The following STXBP5L variants were observed in gnomAD, a reference collection of about 807,000 sequenced individuals.
STXBP5L encodes syntaxin-binding protein 5-like.
In STXBP5L, 65 loss-of-function variants were observed where a neutral mutation model predicts 144.5. The observed-to-expected ratio is 0.45, with a 90% CI of 0.37 to 0.55. STXBP5L has a LOEUF of 0.55. Among genes scored for constraint, STXBP5L ranks in the 20% least tolerant of loss-of-function variants. The pLI is 0.00. For synonymous variants in STXBP5L, 505 were observed against 469.6 expected (o/e 1.08, Z -0.97); for missense variants, 1,298 against 1,405.5 (o/e 0.92, Z 1.22).
At chr3:121,058,716 C>G (rs1948620167) in intron 5 of STXBP5L, among the ~76,000 whole-genome samples, 3 of 152,206 alleles carry the variant, frequency 2.0e-5, no homozygotes, top group Admixed American at 1.3e-4. Flanking sequence ...TTGCATTTCT[C>G]TAATGACCAG....
chr3:120,920,863 C>T, intron 2 of STXBP5L, among the ~76,000 whole-genome samples: 1 of 151,608 alleles, frequency 6.6e-6, no homozygotes, highest in East Asian at 1.9e-4. Flanking sequence ...GTATATATAC[C>T]ATATTTTCTT....
chr3:121,048,320 T>C (rs1434351131), intron 5 of STXBP5L, among the ~76,000 whole-genome samples: 1 of 152,150 alleles, frequency 6.6e-6, no homozygotes, highest in African/African-American at 2.4e-5. Context: ...TAATTATGTG[T>C]CTTGGCCATG....
At chr3:120,923,964 A>G (rs1385941790) in intron 2 of STXBP5L, among the ~76,000 whole-genome samples, 2 of 152,168 alleles carry the variant, frequency 1.3e-5, no homozygotes, top group Non-Finnish European at 1.5e-5. Flanking sequence ...ATTTGTAGGA[A>G]CAGAAGGAAT....
intron 9 of STXBP5L, among the ~76,000 whole-genome samples, chr3:121,179,922 C>T (rs1419996749): frequency 6.6e-6 from 1 of 152,058 alleles, no homozygotes; most frequent in African/African-American, 2.4e-5. Context: ...ACCAAGTCTC[C>T]AAGAAATATA....
At chr3:120,968,366 C>CT (rs984752391) in intron 3 of STXBP5L, among the ~76,000 whole-genome samples, 3 of 152,038 alleles carry the variant, frequency 2.0e-5, no homozygotes, top group African/African-American at 7.2e-5. Context: ...CCTTCTGTAT[C>CT]TTTTTTTATC....
chr3:121,261,091 G>A (rs969865767), intron 18 of STXBP5L, among the ~76,000 whole-genome samples: 4 of 152,152 alleles, frequency 2.6e-5, no homozygotes, highest in South Asian at 2.1e-4. Flanking sequence ...AGTTTGACCT[G>A]TAAAGACAAG....
intron 5 of STXBP5L, among the ~76,000 whole-genome samples, chr3:121,057,120 A>G (rs1948516669): frequency 6.6e-6 from 1 of 151,880 alleles, no homozygotes; most frequent in Non-Finnish European, 1.5e-5. Context: ...AAATAAATAA[A>G]CTACAGTTAA....
intron 5 of STXBP5L, among the ~76,000 whole-genome samples, chr3:121,074,986 G>A (rs2041961570): frequency 6.6e-6 from 1 of 152,174 alleles, no homozygotes; most frequent in East Asian, 1.9e-4. Context: ...ACTCCTGAGT[G>A]CTCTGCACCA....
rs2047353323 is a variant in STXBP5L at position 121,421,564 on chromosome 3, ATGT to A, written c.*2474_*2476del. 1.3e-5 allele frequency: 2 copies of A among 152,238 alleles called. No individual in the cohort carries two copies. The allele number at this position is 152,238 out of a possible 1,614,324, so 9.4% of individuals were successfully genotyped here. A position where few individuals can be genotyped will look rare whatever the true frequency, so the allele number is the denominator to read the frequency against. On this transcript the variant is annotated 3_prime_UTR_variant, in exon 27 of 27. Coordinates refer to ENST00000471454, the MANE Select transcript of STXBP5L (RefSeq NM_001308330.2). ...GGTAGATTGTGTGAATATGTAATATATGTTGTTGTATAAAACTGTACAATAAGT... is the reference window on the plus strand; with the variant it reads ...GGTAGATTGTGTGAATATGTAATATATGTTGTATAAAACTGTACAATAAGT...
At chr3:121,328,727 G>T (rs2044229239) in intron 20 of STXBP5L, among the ~76,000 whole-genome samples, 1 of 151,978 alleles carries the variant, frequency 6.6e-6, no homozygotes, top group Admixed American at 6.6e-5. Flanking sequence ...TCCAGCATGG[G>T]TGCTAGAGCA....
At chr3:121,222,367 G>A (rs997230764) in intron 10 of STXBP5L, among the ~76,000 whole-genome samples, 3 of 152,066 alleles carry the variant, frequency 2.0e-5, no homozygotes, top group African/African-American at 7.2e-5. Flanking sequence ...AGTTGAGCAA[G>A]ATATATGGAG....
At chr3:120,984,580 A>G (rs1309786931) in intron 3 of STXBP5L, among the ~76,000 whole-genome samples, 1 of 145,340 alleles carries the variant, frequency 6.9e-6, no homozygotes, top group Non-Finnish European at 1.5e-5. Context: ...CTGCAAACAG[A>G]GATTACTTAC....
At chr3:121,027,789 A>G (rs1413016612) in intron 3 of STXBP5L, among the ~76,000 whole-genome samples, 3 of 152,058 alleles carry the variant, frequency 2.0e-5, no homozygotes, top group Admixed American at 6.6e-5. Context: ...GTAACATAAC[A>G]TATTCAAAGG....
intron 5 of STXBP5L, among the ~76,000 whole-genome samples, chr3:121,100,499 G>C (rs1050134892): frequency 6.6e-6 from 1 of 151,980 alleles, no homozygotes; most frequent in Admixed American, 6.6e-5. Context: ...TTGACTTTTG[G>C]TAAACAATGA....
chr3:121,091,812 G>C (rs2042815128), intron 5 of STXBP5L, among the ~76,000 whole-genome samples: 1 of 152,070 alleles, frequency 6.6e-6, no homozygotes, highest in Admixed American at 6.5e-5. Flanking sequence ...GTCTTTTATT[G>C]CCATTGCTTT....
At chr3:121,030,522 C>T (rs570344703) in intron 3 of STXBP5L, among the ~76,000 whole-genome samples, 4 of 152,128 alleles carry the variant, frequency 2.6e-5, no homozygotes, top group South Asian at 2.1e-4. Flanking sequence ...CACACCGGGG[C>T]ATGTTGCGGG....
chr3:121,339,088 T>C (rs1311359684), intron 20 of STXBP5L, among the ~76,000 whole-genome samples: 2 of 151,776 alleles, frequency 1.3e-5, no homozygotes, highest in South Asian at 4.2e-4. Flanking sequence ...GGAAAGGGCA[T>C]ACAAAACAAA....
intron 22 of STXBP5L, among the ~76,000 whole-genome samples, chr3:121,403,770 C>T (rs193079985): frequency 6.6e-6 from 1 of 152,200 alleles, no homozygotes; most frequent in East Asian, 1.9e-4. Flanking sequence ...TCTTATTTGA[C>T]ATATCAGCAA....
chr3:121,140,999 A>G (rs1389392032), intron 7 of STXBP5L, among the ~76,000 whole-genome samples: 1 of 152,172 alleles, frequency 6.6e-6, no homozygotes, highest in African/African-American at 2.4e-5. Flanking sequence ...TATATGTGAT[A>G]AAAACATACA....
Sources: allele counts gnomAD v4.1 joint callset (sites outside exome capture counted in the v4.1 genomes callset), GRCh38; gene constraint gnomAD v4.1.1; transcripts MANE v1.5; gene names NCBI Gene and HGNC (gene_info 2026-07-23, HGNC 2026-07-21).